The following MRPS6 variants were observed in gnomAD, a reference collection of about 807,000 sequenced individuals.
MRPS6 encodes the protein small ribosomal subunit protein bS6m.
In MRPS6, 6 loss-of-function variants were observed where a neutral mutation model predicts 13.1. The ratio of observed to expected loss-of-function variants is 0.46; its 90% CI spans 0.25 to 0.91. The LOEUF (loss-of-function observed/expected upper bound fraction) is 0.91, where lower values mean the gene tolerates loss of function less well. Among genes scored for constraint, MRPS6 ranks in the 40% least tolerant of loss-of-function variants. The pLI is 0.18. For missense variants in MRPS6, 164 were observed against 155.6 expected (o/e 1.05, Z -0.29); for synonymous variants, 61 against 56.5 (o/e 1.08, Z -0.36).
At chr21:34,141,727 C>G (rs1457769455) in intron 2 of MRPS6, among the ~76,000 whole-genome samples, 1 of 152,170 alleles carries the variant, frequency 6.6e-6, no homozygotes, top group Non-Finnish European at 1.5e-5. Context: ...GGGATGGGCT[C>G]TTTCCTTGCA....
chr21:34,087,581 G>A (rs1457169883), intron 1 of MRPS6, among the ~76,000 whole-genome samples: 1 of 152,194 alleles, frequency 6.6e-6, no homozygotes, highest in Non-Finnish European at 1.5e-5. Flanking sequence ...TTGGAAGGGA[G>A]GCATTGAGAT....
chr21:34,097,166 G>A, intron 1 of MRPS6: 1 of 1,614,118 alleles, frequency 6.2e-7, no homozygotes, highest in African/African-American at 1.3e-5. Context: ...GGTACTGGAA[G>A]TTCATAGACT....
rs1454529495 is a variant in MRPS6 at position 34,080,905 on chromosome 21, G to T, written c.45+7160G>T. On this transcript the variant is annotated intron_variant, in intron 1 of 2. Transcript: ENST00000399312. ...TCAGTGCACTTCGCTCACGCTGGGTGAGTTGTATGTTACCAGAAGTTGTGT... is the reference window on the plus strand; with the variant it reads ...TCAGTGCACTTCGCTCACGCTGGGTTAGTTGTATGTTACCAGAAGTTGTGT... Among the ~76,000 whole-genome samples the T allele has an allele frequency of 2.0e-5, 3 of 152,336 alleles. No homozygotes were observed. The East Asian group carries it at 5.8e-4, about 29-fold the overall frequency.
intron 2 of MRPS6, among the ~76,000 whole-genome samples, chr21:34,130,465 A>G (rs1340739041): frequency 6.6e-6 from 1 of 152,068 alleles, no homozygotes; most frequent in Non-Finnish European, 1.5e-5. Context: ...CTCTCTTACA[A>G]CCATGCTGCT....
rs1345418451 is a variant in MRPS6, at chr21:34,096,323, G to T, written c.45+22578G>T. The T allele has an allele frequency of 6.2e-7, 1 of 1,614,140 alleles. No homozygotes were observed. Among genetic ancestry groups the T allele is most frequent in the Non-Finnish European group, 8.5e-7 (1 of 1,180,002 alleles). On this transcript the variant is annotated intron_variant, in intron 1 of 2. Coordinates refer to ENST00000399312, the MANE Select transcript of MRPS6 (RefSeq NM_032476.4). This position sits in a 1 kb window ranked among gnomAD's most constrained non-coding sequence, Gnocchi z 5.9. ...TGATGGCAGTGATGATTGCAGCTCT[G>T]ATGAGTGACTTAGACTCTATCTTTA... is the stretch of plus-strand genomic sequence containing the variant.
At chr21:34,136,750 A>G (rs1188295402) in intron 2 of MRPS6, among the ~76,000 whole-genome samples, 1 of 152,182 alleles carries the variant, frequency 6.6e-6, no homozygotes, top group Admixed American at 6.5e-5. Flanking sequence ...TTCAAAGAGC[A>G]GTTTTTAATT....
intron 1 of MRPS6, chr21:34,123,587 A>G (rs1980199859): frequency 6.6e-6 from 1 of 151,894 alleles, no homozygotes; most frequent in East Asian, 1.9e-4. Flanking sequence ...ACAATAAGAC[A>G]CTAGACCATA....
intron 1 of MRPS6, chr21:34,097,462 T>C: frequency 6.9e-7 from 1 of 1,459,372 alleles, no homozygotes; most frequent in Non-Finnish European, 9.0e-7. Context: ...CTGTAGGTTT[T>C]AGCCAAATTT....
rs115086584 is a variant in MRPS6, at chr21:34,107,760, T to C, written c.46-17581T>C. ...TATTTTGCTTAGATGTTTCCAGATTTAGCTGGTTTCTTTTATCAATGGTTT... is the reference window on the plus strand; with the variant it reads ...TATTTTGCTTAGATGTTTCCAGATTCAGCTGGTTTCTTTTATCAATGGTTT... On this transcript the variant is annotated intron_variant, in intron 1 of 2. Coordinates refer to ENST00000399312, the MANE Select transcript of MRPS6 (RefSeq NM_032476.4). 7.5e-3 allele frequency among the ~76,000 whole-genome samples: 1,144 copies of C among 152,354 alleles called. 13 individuals carry two copies. Among genetic ancestry groups the C allele is most frequent in the African/African-American group, 0.026 (1,097 of 41,584 alleles).
At chr21:34,111,960 G>A (rs145819752) in intron 1 of MRPS6, among the ~76,000 whole-genome samples, 1 of 151,932 alleles carries the variant, frequency 6.6e-6, no homozygotes, top group African/African-American at 2.4e-5. Flanking sequence ...ACTGTTAAGT[G>A]TTTCTGCCTG....
chr21:34,105,539 C>G, intron 1 of MRPS6: 1 of 999,496 alleles, frequency 1.0e-6, no homozygotes, highest in Non-Finnish European at 1.2e-6. Context: ...ATGTTCTTCC[C>G]AGTGTCCTGC....
chr21:34,099,912 C>T, intron 1 of MRPS6: 1 of 339,958 alleles, frequency 2.9e-6, no homozygotes, highest in East Asian at 1.7e-4. Flanking sequence ...TTGTGAATTG[C>T]TGATTGCAAC....
intron 1 of MRPS6, among the ~76,000 whole-genome samples, chr21:34,108,066 A>G (rs1451620502): frequency 6.6e-6 from 1 of 152,226 alleles, no homozygotes; most frequent in African/African-American, 2.4e-5. Context: ...ATGGAGCTGA[A>G]AAGTTTCTGT....
At chr21:34,101,650 T>C in intron 1 of MRPS6, 4 of 1,000,220 alleles carry the variant, frequency 4.0e-6, no homozygotes, top group Non-Finnish European at 3.6e-6. Context: ...TTTGTCAGCT[T>C]AGTTCACTTT....
In MRPS6 at chr21:34,096,588, C is replaced by T. The variant is rs897218283; in HGVS notation, c.45+22843C>T. 2 of 1,613,968 alleles carry T rather than the reference C, an allele frequency of 1.2e-6. No individual in the cohort carries two copies. The highest frequency in any genetic ancestry group is 1.7e-6 in the Non-Finnish European group (2 of 1,180,000). The stretch of plus-strand genomic sequence containing the variant: ...GTTCCTGCTGGCAATTTTCTGGAAG[C>T]GCTGCAATGAACAAGGGGCTTTCTA... On this transcript the variant is annotated intron_variant, in intron 1 of 2. Coordinates refer to ENST00000399312, the MANE Select transcript of MRPS6 (RefSeq NM_032476.4). The surrounding 1 kb of genome is among the most constrained non-coding windows in gnomAD (Gnocchi z 5.9).
At chr21:34,099,411 T>C (rs1979129012) in intron 1 of MRPS6, 2 of 999,396 alleles carry the variant, frequency 2.0e-6, no homozygotes, top group African/African-American at 1.7e-5. Flanking sequence ...TCAAAGGAAC[T>C]GTTCTTCCTT....
Position 34,098,178 on chromosome 21 carries a change from A to C in MRPS6, c.45+24433A>C, listed in dbSNP as rs915063937. On this transcript the variant is annotated intron_variant, in intron 1 of 2. Coordinates refer to ENST00000399312, the MANE Select transcript of MRPS6 (RefSeq NM_032476.4). ...AGGTTGTTTATATAGTTTGGAAATG[A>C]CCAGCCCCCTAAGCAGTGTTTGATT... The C allele has an allele frequency of 4.0e-6, 4 of 999,824 alleles. No homozygotes were observed. The African/African-American group carries it at 7.0e-5, about 17-fold the overall frequency. The allele number at this position is 999,824 out of a possible 1,614,324, so 61.9% of individuals were successfully genotyped here.
rs767889401 is a variant in MRPS6 at position 34,125,439 on chromosome 21, T to A, written c.144T>A (p.Pro48=). Residue 48 remains proline (P), a synonymous_variant, in exon 2 of 3, where the codon CCT becomes CCA. Transcript: ENST00000399312. ...AAAACCTGGGTGAACGAGCGCTTCC[T>A]TATAGGATCTCTGCCCACAGTCAGC... ...DLENLGERAL[P]YRISAHSQQH... is the part of the protein sequence containing the mutation. The A allele has an allele frequency of 1.0e-4, 162 of 1,613,980 alleles. No homozygotes were observed. The highest frequency in any genetic ancestry group is 6.2e-4 in the Admixed American group (37 of 60,000).
chr21:34,133,333 T>C (rs1980570999), intron 2 of MRPS6, among the ~76,000 whole-genome samples: 1 of 152,164 alleles, frequency 6.6e-6, no homozygotes, highest in African/African-American at 2.4e-5. Context: ...GTGCTGAGTA[T>C]ATGGAGAACA....
Sources: gnomAD v4.1 joint callset for allele counts (sites outside exome capture counted in the v4.1 genomes callset) on GRCh38, gnomAD v4.1.1 for gene constraint, Gnocchi (gnomAD v3.1) non-coding constraint, MANE v1.5 for transcripts, NCBI Gene and HGNC (gene_info 2026-07-23, HGNC 2026-07-21) for gene names.